The following MYO5B variants were observed in gnomAD, a reference collection of about 807,000 sequenced individuals.
MYO5B encodes myosin VB.
Under a neutral mutation model 229.3 loss-of-function variants are expected in MYO5B, and 143 were observed. The observed-to-expected ratio is 0.62, with a 90% confidence interval of 0.54 to 0.72. The LOEUF (loss-of-function observed/expected upper bound fraction) is 0.72. Ranked by LOEUF, MYO5B falls within the 30% of genes least tolerant of loss-of-function variation. The pLI is 0.00. For missense variants in MYO5B, 2,321 were observed against 2,331.0 expected, an observed-to-expected ratio of 1.00 and a Z score of 0.09; for synonymous variants, 918 against 885.2, an observed-to-expected ratio of 1.04 and a Z score of -0.66.
Position 50,152,414 on chromosome 18 carries a change from G to C in MYO5B, c.27+42353C>G, listed in dbSNP as rs531948934. Among the ~76,000 whole-genome samples, 22 of 152,340 alleles carry C rather than the reference G, an allele frequency of 1.4e-4. No individual in the cohort carries two copies. The South Asian group carries it at 4.6e-3, about 32-fold the overall frequency. ...TCGTCCTTTCTATATTAAGACAGGT[G>C]AGAGATGACAAACTCTAGTAAATGT... is the stretch of plus-strand genomic sequence containing the variant. On this transcript the variant is annotated intron_variant, in intron 1 of 39. Transcript: ENST00000285039.
At chr18:50,009,291 C>T (rs4939930) in intron 4 of MYO5B, among the ~76,000 whole-genome samples, 148,787 of 152,198 alleles carry the variant, frequency 0.98, 72,821 homozygotes, top group East Asian at 1. Context: ...GGCAGGAGAA[C>T]TGCTTGAGCC....
intron 1 of MYO5B, among the ~76,000 whole-genome samples, chr18:50,132,441 C>T (rs1249451659): frequency 6.6e-6 from 1 of 152,140 alleles, no homozygotes; most frequent in Non-Finnish European, 1.5e-5. Context: ...AATATATATT[C>T]CAGGTACTGT....
intron 5 of MYO5B, among the ~76,000 whole-genome samples, chr18:49,995,698 T>C (rs1297620304): frequency 1.3e-5 from 2 of 152,194 alleles, no homozygotes; most frequent in Non-Finnish European, 2.9e-5. Flanking sequence ...GGGACGTTTC[T>C]CTGCACAGAT....
intron 9 of MYO5B, among the ~76,000 whole-genome samples, chr18:49,977,679 T>C (rs2025767057): frequency 6.6e-6 from 1 of 152,222 alleles, no homozygotes. Flanking sequence ...GTCCCACCTT[T>C]GCCATTGTCA....
At chr18:50,182,759 G>A (rs1487731725) in intron 1 of MYO5B, among the ~76,000 whole-genome samples, 2 of 152,178 alleles carry the variant, frequency 1.3e-5, no homozygotes, top group Non-Finnish European at 2.9e-5. Flanking sequence ...ATCACAGAAG[G>A]TAATGTTACA....
At chr18:49,959,410 G>A (rs1000587075) in intron 12 of MYO5B, among the ~76,000 whole-genome samples, 4 of 152,172 alleles carry the variant, frequency 2.6e-5, no homozygotes, top group African/African-American at 4.8e-5. Context: ...GCTAGACAAG[G>A]AAACCTTTGG....
intron 1 of MYO5B, among the ~76,000 whole-genome samples, chr18:50,073,843 C>T (rs2031015833): frequency 6.6e-6 from 1 of 152,142 alleles, no homozygotes; most frequent in South Asian, 2.1e-4. Flanking sequence ...ATCCTGGCTT[C>T]CTATCTTTTT....
intron 9 of MYO5B, among the ~76,000 whole-genome samples, chr18:49,977,447 G>A (rs914062966): frequency 9.2e-5 from 14 of 152,126 alleles, no homozygotes; most frequent in Admixed American, 9.2e-4. Flanking sequence ...TCCAATAGAA[G>A]CTCCATCCTA....
At chr18:50,128,399 A>G (rs921507561) in intron 1 of MYO5B, among the ~76,000 whole-genome samples, 3 of 152,210 alleles carry the variant, frequency 2.0e-5, no homozygotes, top group Non-Finnish European at 4.4e-5. Context: ...GACCCTCCAC[A>G]CAGGTAGATG....
At chr18:49,900,860 T>G (rs963666113) in intron 21 of MYO5B, among the ~76,000 whole-genome samples, 1 of 152,160 alleles carries the variant, frequency 6.6e-6, no homozygotes, top group African/African-American at 2.4e-5. Flanking sequence ...GCAGTAGGCA[T>G]GCACGGGAAA....
chr18:49,879,933 C>A (rs949043263), intron 23 of MYO5B, among the ~76,000 whole-genome samples: 3 of 152,192 alleles, frequency 2.0e-5, no homozygotes, highest in African/African-American at 7.2e-5. Flanking sequence ...AATGTGAAAC[C>A]CAGCAATGAC....
At chr18:50,004,320 G>A (rs898764846) in intron 4 of MYO5B, among the ~76,000 whole-genome samples, 2 of 152,178 alleles carry the variant, frequency 1.3e-5, no homozygotes, top group African/African-American at 4.8e-5. Context: ...GACATACATG[G>A]CTAAGAAATT....
At chr18:50,084,621 A>G (rs2031292041) in intron 1 of MYO5B, among the ~76,000 whole-genome samples, 2 of 152,188 alleles carry the variant, frequency 1.3e-5, no homozygotes, top group African/African-American at 4.8e-5. Flanking sequence ...TCCTAAGCCA[A>G]AAGAACAAAG....
chr18:49,893,661 C>T (rs868414436), intron 22 of MYO5B, among the ~76,000 whole-genome samples: 2 of 152,184 alleles, frequency 1.3e-5, no homozygotes, highest in South Asian at 4.1e-4. Context: ...TTTCTTCTTC[C>T]CTTAATCTCC....
At chr18:49,887,612 C>T (rs1010422325) in intron 22 of MYO5B, among the ~76,000 whole-genome samples, 9 of 152,162 alleles carry the variant, frequency 5.9e-5, no homozygotes, top group Admixed American at 1.3e-4. Context: ...GCCAGCACTA[C>T]ACTTCCTGTA....
chr18:49,847,018 G>A, intron 33 of MYO5B, 128 bp downstream of exon 33: 1 of 1,214,138 alleles, frequency 8.2e-7, no homozygotes, highest in Non-Finnish European at 1.2e-6. Flanking sequence ...GCAAGGGCAA[G>A]TAGGAGACAG....
intron 14 of MYO5B, chr18:49,946,334 C>CTTAG (rs1163817130): frequency 6.6e-6 from 1 of 152,122 alleles, no homozygotes; most frequent in Non-Finnish European, 1.5e-5. Context: ...CCCGACCCTG[C>CTTAG]TTAGTTTCTG....
chr18:50,075,189 G>A (rs902721605), intron 1 of MYO5B, among the ~76,000 whole-genome samples: 2 of 152,146 alleles, frequency 1.3e-5, no homozygotes, highest in Admixed American at 1.3e-4. Context: ...CCATGGGAGC[G>A]CATTCCAGTT....
intron 14 of MYO5B, among the ~76,000 whole-genome samples, chr18:49,948,822 C>G (rs187609289): frequency 6.6e-6 from 1 of 152,080 alleles, no homozygotes; most frequent in African/African-American, 2.4e-5. Context: ...GCTGTTCCTG[C>G]GACTCCTGTG....
Sources: gnomAD v4.1 joint callset for allele counts (sites outside exome capture counted in the v4.1 genomes callset) on GRCh38, gnomAD v4.1.1 for gene constraint, MANE v1.5 for transcripts, NCBI Gene and HGNC (gene_info 2026-07-23, HGNC 2026-07-21) for gene names.